Variants in MYO16 observed in about 807,000 individuals in gnomAD.
The protein encoded by MYO16 is unconventional myosin-XVI.
A neutral mutation model predicts 205.3 loss-of-function variants in MYO16; 94 were observed. That is an observed-to-expected ratio of 0.46 (90% confidence interval 0.39 to 0.54). The LOEUF (loss-of-function observed/expected upper bound fraction) is 0.54. MYO16 is among the 20% of genes least tolerant of loss of function. The probability of loss-of-function intolerance (pLI) is 0.00; values close to 1 mark genes in which losing one functional copy is unlikely to be tolerated. For missense variants in MYO16, 2,315 were observed against 2,387.5 expected (o/e 0.97, Z 0.63); for synonymous variants, 988 against 954.0 (o/e 1.04, Z -0.66).
chr13:108,930,941 A>G (rs1594405146), intron 16 of MYO16, among the ~76,000 whole-genome samples: 3 of 152,338 alleles, frequency 2.0e-5, no homozygotes, highest in African/African-American at 4.8e-5. Flanking sequence ...AAATAGATAA[A>G]TGGAAATAGT....
At chr13:108,877,369 A>G (rs1431112525) in intron 12 of MYO16, among the ~76,000 whole-genome samples, 4 of 152,132 alleles carry the variant, frequency 2.6e-5, no homozygotes, top group African/African-American at 9.7e-5. Flanking sequence ...TCTGCCACCA[A>G]CTAGCCCTGT....
At chr13:108,566,514 C>T in the MYO16 span, among the ~76,000 whole-genome samples, 1 of 151,472 alleles carries the variant, frequency 6.6e-6, no homozygotes, top group Non-Finnish European at 1.5e-5. Context: ...TGCCTATAAT[C>T]CCAGCTACTC....
Position 108,793,580 on chromosome 13 carries a change from C to A in MYO16, c.681C>A (p.Val227=), listed in dbSNP as rs1369717415. 2 of 1,613,440 alleles carry A rather than the reference C, an allele frequency of 1.2e-6. No homozygotes were observed. The highest frequency in any genetic ancestry group is 1.7e-6 in the Non-Finnish European group (2 of 1,179,572). Residue 227 remains valine (V), a synonymous_variant, in exon 6 of 35, where the codon GTC becomes GTA. Transcript: ENST00000457511. ...LQRPMSMLTD[V]KHFLSSGGNV... ...GACCAATGAGTATGTTAACAGATGT[C>A]AAACACTTCTTATCATCTGGAGGAA...
chr13:108,919,572 T>A (rs1447978936), intron 16 of MYO16, among the ~76,000 whole-genome samples: 1 of 152,150 alleles, frequency 6.6e-6, no homozygotes, highest in Non-Finnish European at 1.5e-5. Flanking sequence ...TGAGTAAAGA[T>A]GTTTGCTTGA....
chr13:108,957,317 G>A (rs1437923639), intron 16 of MYO16, among the ~76,000 whole-genome samples: 3 of 149,978 alleles, frequency 2.0e-5, no homozygotes, highest in African/African-American at 7.4e-5. Context: ...CTGGGAGGTG[G>A]AGGTTGCAGT....
Position 108,883,063 on chromosome 13 carries a change from C to G in MYO16, c.1430C>G (p.Ser477Cys). 1 of 1,613,872 alleles carries G rather than the reference C, an allele frequency of 6.2e-7. No homozygotes were observed. The highest frequency in any genetic ancestry group is 8.5e-7 in the Non-Finnish European group (1 of 1,179,830). Reference protein sequence around the residue: ...KELPIYSSMVSQLYFSSSGKL... With the variant: ...KELPIYSSMVCQLYFSSSGKL... ...TGCTGCTGCCCTGTTTTCCAGGTGTCCCAGCTGTATTTCAGCTCCTCAGGG... is the reference window on the plus strand; with the variant it reads ...TGCTGCTGCCCTGTTTTCCAGGTGTGCCAGCTGTATTTCAGCTCCTCAGGG... The change falls in exon 13 of 35, where the codon TCC becomes TGC. Residue 477 changes from serine (S) to cysteine (C), a missense_variant. By Grantham distance (112) the Ser-to-Cys change is moderately radical. Coordinates refer to ENST00000457511, the MANE Select transcript of MYO16 (RefSeq NM_001198950.3).
chr13:108,816,534 G>A (rs1043243156), intron 7 of MYO16, among the ~76,000 whole-genome samples: 1 of 151,572 alleles, frequency 6.6e-6, no homozygotes, highest in Non-Finnish European at 1.5e-5. Context: ...TGTTTTTCTT[G>A]CTGTGCAACC....
intron 4 of MYO16, among the ~76,000 whole-genome samples, chr13:108,760,508 A>G (rs900627275): frequency 3.3e-5 from 5 of 151,412 alleles, no homozygotes; most frequent in African/African-American, 1.2e-4. Flanking sequence ...TTTAAATTTC[A>G]TTTACTTGCT....
intron 33 of MYO16, among the ~76,000 whole-genome samples, chr13:109,169,297 CTAAA>C (rs1195350721): frequency 6.6e-6 from 1 of 151,494 alleles, no homozygotes; most frequent in Non-Finnish European, 1.5e-5. Flanking sequence ...AGAACAAAAA[CTAAA>C]TACTATGAAA....
intron 16 of MYO16, among the ~76,000 whole-genome samples, chr13:108,956,277 G>A (rs939322188): frequency 1.3e-5 from 2 of 151,738 alleles, no homozygotes; most frequent in Non-Finnish European, 2.9e-5. Context: ...CCACCTCCCC[G>A]TGCCCAGTTC....
intron 34 of MYO16, among the ~76,000 whole-genome samples, chr13:109,194,669 G>T (rs1880070243): frequency 3.3e-5 from 5 of 152,176 alleles, no homozygotes; most frequent in Admixed American, 3.3e-4. Context: ...GAAATATAGA[G>T]ACTGTGTCAG....
chr13:109,079,379 C>G (rs983222988), intron 27 of MYO16, among the ~76,000 whole-genome samples: 2 of 106,608 alleles, frequency 1.9e-5, no homozygotes, highest in Non-Finnish European at 3.9e-5. Context: ...GAGTTACCTA[C>G]TGTATGGGTT....
chr13:108,679,518 C>A (rs1283961670), intron 2 of MYO16, among the ~76,000 whole-genome samples: 2 of 151,960 alleles, frequency 1.3e-5, no homozygotes, highest in East Asian at 3.9e-4. Context: ...AAGGGAGCCT[C>A]TTCCTAAGCA....
chr13:109,054,931 CT>C, intron 25 of MYO16, 114 bp from the exon 26 acceptor site: 1 of 557,016 alleles, frequency 1.8e-6, no homozygotes, highest in Non-Finnish European at 3.1e-6. Context: ...CCTTCTTTCT[CT>C]TTTTTCCTTT....
rs1413472483 is a variant in MYO16, at chr13:109,141,718, T to A, written c.5164+342T>A. 6.6e-6 allele frequency among the ~76,000 whole-genome samples: 1 copy of A among 152,228 alleles called. No homozygotes were observed. Among genetic ancestry groups the A allele is most frequent in the Non-Finnish European group, 1.5e-5 (1 of 68,046 alleles). On this transcript the variant is annotated intron_variant, in intron 32 of 34. Transcript: ENST00000457511. This position sits in a 1 kb window ranked among gnomAD's most constrained non-coding sequence, Gnocchi z 4.1. Reference sequence around the variant, plus strand: ...TTTTTTTAAAAAAATATTTTTTCCTTATAACGTGAAAGTGGTATTTTGTGT... The same window carrying A: ...TTTTTTTAAAAAAATATTTTTTCCTAATAACGTGAAAGTGGTATTTTGTGT...
chr13:108,593,459 A>G (rs1315762557), upstream of MYO16, among the ~76,000 whole-genome samples: 4 of 152,152 alleles, frequency 2.6e-5, no homozygotes, highest in Non-Finnish European at 5.9e-5. Context: ...CTTCACCTGG[A>G]CGCACCTGAG....
At chr13:109,142,258 TAAG>T (rs1421906454) in intron 32 of MYO16, among the ~76,000 whole-genome samples, 3 of 152,224 alleles carry the variant, frequency 2.0e-5, no homozygotes, top group African/African-American at 7.2e-5. Flanking sequence ...AAAGACATGT[TAAG>T]GTTTGTATAC....
At chr13:108,982,855 C>T (rs906756560) in intron 20 of MYO16, among the ~76,000 whole-genome samples, 2 of 152,100 alleles carry the variant, frequency 1.3e-5, no homozygotes, top group Non-Finnish European at 2.9e-5. Flanking sequence ...TTGTCAGTAA[C>T]ACTCAAATAT....
intron 9 of MYO16, among the ~76,000 whole-genome samples, chr13:108,833,937 T>C (rs1876759635): frequency 6.6e-6 from 1 of 152,184 alleles, no homozygotes; most frequent in South Asian, 2.1e-4. Flanking sequence ...ATATACTCTC[T>C]CATTTCCATT....
Sources: gnomAD v4.1 joint callset for allele counts (sites outside exome capture counted in the v4.1 genomes callset) on GRCh38, gnomAD v4.1.1 for gene constraint, Gnocchi (gnomAD v3.1) non-coding constraint, MANE v1.5 for transcripts, NCBI Gene and HGNC (gene_info 2026-07-23, HGNC 2026-07-21) for gene names.